The following ROR1 variants were observed in gnomAD, a reference collection of about 807,000 sequenced individuals.
ROR1 encodes the protein ROR family WNT receptor 1, also known as inactive tyrosine-protein kinase transmembrane receptor ROR1.
A neutral mutation model predicts 78.8 loss-of-function variants in ROR1; 19 were observed. That is an observed-to-expected ratio of 0.24 (90% confidence interval 0.17 to 0.35). ROR1 has a LOEUF of 0.35. ROR1 is among the 10% of genes least tolerant of loss of function. The pLI is 1.00. For missense variants in ROR1, 917 were observed against 1,177.8 expected, an observed-to-expected ratio of 0.78 and a Z score of 3.24; for synonymous variants, 386 against 433.6, an observed-to-expected ratio of 0.89 and a Z score of 1.36.
rs375489607 is a variant in ROR1 at position 63,889,184 on chromosome 1, G to A, written c.91+114676G>A. Among the ~76,000 whole-genome samples the A allele has an allele frequency of 2.6e-5, 4 of 152,110 alleles. No individual in the cohort carries two copies. In the East Asian group the frequency reaches 5.8e-4, roughly 22 times the overall value. ...ACAGAGGAGGAGAGAGAGAGCCCAA[G>A]ATGGAAGTCACAGTCTTTTATAACC... On this transcript the variant is annotated intron_variant, in intron 1 of 8. Transcript: ENST00000371079.
At chr1:64,096,736 T>A (rs1161796593) in intron 4 of ROR1, among the ~76,000 whole-genome samples, 3 of 152,178 alleles carry the variant, frequency 2.0e-5, no homozygotes, top group African/African-American at 7.2e-5. Context: ...ATAGAATGAT[T>A]TATATTCCTT....
chr1:64,162,634 C>T (rs1327975154), intron 8 of ROR1, among the ~76,000 whole-genome samples: 1 of 152,196 alleles, frequency 6.6e-6, no homozygotes, highest in Non-Finnish European at 1.5e-5. Flanking sequence ...AAGAAGTAGA[C>T]TGCATTCAAG....
At chr1:64,002,354 G>A (rs1289695663) in intron 1 of ROR1, among the ~76,000 whole-genome samples, 2 of 152,036 alleles carry the variant, frequency 1.3e-5, no homozygotes, top group Non-Finnish European at 2.9e-5. Flanking sequence ...GGATGATCTC[G>A]ATCTCCTGAC....
At chr1:63,814,789 A>C (rs1644880463) in intron 1 of ROR1, among the ~76,000 whole-genome samples, 2 of 152,174 alleles carry the variant, frequency 1.3e-5, no homozygotes, top group African/African-American at 4.8e-5. Context: ...ATACAGATGA[A>C]GCTTCGCTCA....
At chr1:64,111,023 A>G (rs868150021) in intron 4 of ROR1, 2 of 152,164 alleles carry the variant, frequency 1.3e-5, no homozygotes, top group East Asian at 1.9e-4. Flanking sequence ...CAATGATTCC[A>G]TTCAGAAACT....
intron 1 of ROR1, among the ~76,000 whole-genome samples, chr1:63,911,338 G>A (rs1302555506): frequency 6.6e-6 from 1 of 152,036 alleles, no homozygotes; most frequent in African/African-American, 2.4e-5. Flanking sequence ...GTTAGTACAG[G>A]GGTCCCCAAC....
At chr1:63,952,219 C>T (rs564211114) in intron 1 of ROR1, among the ~76,000 whole-genome samples, 90 of 152,022 alleles carry the variant, frequency 5.9e-4, no homozygotes, top group African/African-American at 2.1e-3. Context: ...AGAGAGTGGG[C>T]CATATGGGGG....
chr1:64,088,945 T>TA (rs1319412068), intron 4 of ROR1, among the ~76,000 whole-genome samples: 1 of 152,174 alleles, frequency 6.6e-6, no homozygotes, highest in Non-Finnish European at 1.5e-5. Flanking sequence ...AGCAGGGCTT[T>TA]AAAATGACAA....
chr1:64,152,214 A>T (rs1245681132), intron 7 of ROR1, among the ~76,000 whole-genome samples: 2 of 152,250 alleles, frequency 1.3e-5, no homozygotes, highest in African/African-American at 2.4e-5. Flanking sequence ...ATAATTTCTT[A>T]CACAAATTTG....
intron 1 of ROR1, among the ~76,000 whole-genome samples, chr1:63,962,777 A>G (rs1454402508): frequency 2.0e-5 from 3 of 152,166 alleles, no homozygotes; most frequent in African/African-American, 7.2e-5. Flanking sequence ...CACACAGTGT[A>G]TAGCAAGTGA....
rs561677323 is a variant in ROR1, at chr1:63,812,598, A to G, written c.91+38090A>G. 2.6e-5 allele frequency among the ~76,000 whole-genome samples: 4 copies of G among 152,350 alleles called. No individual in the cohort carries two copies. The South Asian group carries it at 8.3e-4, about 32-fold the overall frequency. On this transcript the variant is annotated intron_variant, in intron 1 of 8. Coordinates refer to ENST00000371079, the MANE Select transcript of ROR1 (RefSeq NM_005012.4). ...TATGTAATTTGACAGCAGACTTTTA[A>G]TGACACACTTCAGGTTCCATTTTCC...
At chr1:64,174,560 T>C (rs1650325792) in intron 8 of ROR1, among the ~76,000 whole-genome samples, 1 of 152,222 alleles carries the variant, frequency 6.6e-6, no homozygotes, top group Non-Finnish European at 1.5e-5. Flanking sequence ...TCCATGAGTT[T>C]ACTTCCTAAT....
chr1:63,987,212 G>A (rs1646259990), intron 1 of ROR1, among the ~76,000 whole-genome samples: 1 of 152,144 alleles, frequency 6.6e-6, no homozygotes, highest in African/African-American at 2.4e-5. Context: ...CCATAGTTTT[G>A]CTGCAGAATT....
chr1:63,782,216 T>G (rs1420667778), intron 1 of ROR1, among the ~76,000 whole-genome samples: 2 of 152,220 alleles, frequency 1.3e-5, no homozygotes, highest in African/African-American at 4.8e-5. Flanking sequence ...TCACCAAATA[T>G]GTTTCCATCT....
intron 1 of ROR1, chr1:63,789,192 C>G: frequency 1.7e-6 from 1 of 599,406 alleles, no homozygotes; most frequent in Non-Finnish European, 3.2e-6. Flanking sequence ...GATCTGCTGA[C>G]AGGAGTTGGC....
chr1:63,925,268 GT>G, intron 1 of ROR1, among the ~76,000 whole-genome samples: 1 of 150,624 alleles, frequency 6.6e-6, no homozygotes, highest in Non-Finnish European at 1.5e-5. Flanking sequence ...GCGGTGTCTG[GT>G]TTTTTGTTCT....
At chr1:64,175,064 AAT>A (rs951077287) in intron 8 of ROR1, among the ~76,000 whole-genome samples, 5 of 151,390 alleles carry the variant, frequency 3.3e-5, no homozygotes, top group African/African-American at 1.2e-4. Context: ...TAATAAATTA[AAT>A]AGTTATTTAA....
At chr1:64,167,921 A>G (rs1199946569) in intron 8 of ROR1, among the ~76,000 whole-genome samples, 1 of 152,204 alleles carries the variant, frequency 6.6e-6, no homozygotes, top group African/African-American at 2.4e-5. Flanking sequence ...TCCTTTGAGG[A>G]TCAGATGGAA....
intron 1 of ROR1, among the ~76,000 whole-genome samples, chr1:63,876,681 TGC>T (rs202209719): frequency 0.064 from 5,387 of 83,546 alleles, 164 homozygotes; most frequent in African/African-American, 0.27. Flanking sequence ...TGTGTGTGTG[TGC>T]GCGTGTGTGT....
Sources: allele counts gnomAD v4.1 joint callset (sites outside exome capture counted in the v4.1 genomes callset), GRCh38; gene constraint gnomAD v4.1.1; transcripts MANE v1.5; gene names NCBI Gene and HGNC (gene_info 2026-07-23, HGNC 2026-07-21).